The following LYG2 variants were observed in gnomAD, a reference collection of about 807,000 sequenced individuals.
LYG2 encodes the protein lysozyme g-like protein 2.
LYG2 carries 25 observed loss-of-function variants against 22.4 expected under a neutral mutation model. The ratio of observed to expected loss-of-function variants is 1.12; its 90% CI spans 0.81 to 1.56. LYG2 has a LOEUF of 1.56. Among genes scored for constraint, LYG2 ranks in the 40% most tolerant of loss-of-function variants. The pLI is 0.00. For synonymous variants in LYG2, 88 were observed against 97.0 expected (o/e 0.91, Z 0.55); for missense variants, 266 against 269.5 (o/e 0.99, Z 0.09).
At chr2:99,255,276 G>A (rs1191735397) in intron 1 of LYG2, 139 bp from the exon 2 acceptor site, 1 of 152,058 alleles carries the variant, frequency 6.6e-6, no homozygotes, top group East Asian at 1.9e-4. Flanking sequence ...TCTTACCTTC[G>A]TCCTGTACCA....
intron 3 of LYG2, among the ~76,000 whole-genome samples, chr2:99,249,665 G>A (rs2094022754): frequency 6.7e-6 from 1 of 148,892 alleles, no homozygotes; most frequent in Admixed American, 6.7e-5. Flanking sequence ...GGAGGCTGAG[G>A]CAGAAGAATC....
intron 3 of LYG2, among the ~76,000 whole-genome samples, chr2:99,247,820 G>A (rs113621932): frequency 1.9e-4 from 29 of 151,484 alleles, no homozygotes; most frequent in African/African-American, 6.3e-4. Flanking sequence ...GAAAATTTTC[G>A]CAACCTACTC....
rs750658542 is a variant in LYG2 at position 99,242,429 on chromosome 2, T to C, written c.574A>G (p.Ile192Val). Residue 192 changes from isoleucine (I) to valine (V), a missense_variant, in exon 7 of 7, where the codon ATA (isoleucine) becomes GTA (valine). Coordinates refer to ENST00000333017, the MANE Select transcript of LYG2 (RefSeq NM_175735.4). ...ATATCATTGACGAAGTCATTGTCTA[T>C]GTCCGATGGGGTGGCAATCGCTTCA... ...GIEAIATPSDIDNDFVNDIIA... is the reference protein window; with the variant it reads ...GIEAIATPSDVDNDFVNDIIA... The C allele has an allele frequency of 1.4e-5, 23 of 1,613,644 alleles. No homozygotes were observed. The highest frequency in any genetic ancestry group is 1.9e-5 in the Non-Finnish European group (22 of 1,179,810).
intron 3 of LYG2, among the ~76,000 whole-genome samples, chr2:99,253,544 C>A (rs2094030936): frequency 6.6e-6 from 1 of 152,132 alleles, no homozygotes; most frequent in African/African-American, 2.4e-5. Flanking sequence ...TTGCTTAGGT[C>A]AGAGTTTTCA....
At chr2:99,261,423 G>T in the LYG2 span, among the ~76,000 whole-genome samples, 1 of 152,184 alleles carries the variant, frequency 6.6e-6, no homozygotes, top group Non-Finnish European at 1.5e-5. Context: ...AGCCTGCTTT[G>T]CTCAGGCCCT....
chr2:99,248,124 A>T (rs2094019518), intron 3 of LYG2, among the ~76,000 whole-genome samples: 2 of 151,840 alleles, frequency 1.3e-5, no homozygotes, highest in South Asian at 2.1e-4. Context: ...ACACTTTTAC[A>T]CTGTTGGTGG....
upstream of LYG2, among the ~76,000 whole-genome samples, chr2:99,256,576 T>A (rs900101827): frequency 6.6e-6 from 1 of 152,156 alleles, no homozygotes; most frequent in Non-Finnish European, 1.5e-5. Flanking sequence ...AAAGGGAGAT[T>A]AAGAAGTTAC....
At chr2:99,251,483 A>G (rs2094026519) in intron 3 of LYG2, among the ~76,000 whole-genome samples, 1 of 152,226 alleles carries the variant, frequency 6.6e-6, no homozygotes, top group Non-Finnish European at 1.5e-5. Context: ...TGCTAATGTC[A>G]TTAGAACTAG....
At position 99,246,768 on chromosome 2, in the gene LYG2, A is replaced by G. The variant is rs1279983634; in HGVS notation, c.96T>C (p.His32=). The G allele has an allele frequency of 5.6e-6, 9 of 1,613,966 alleles. No individual in the cohort carries two copies. Among genetic ancestry groups the G allele is most frequent in the Non-Finnish European group, 5.9e-6 (7 of 1,179,986 alleles). ...PFSHSMKPHL[H]PRLYHGCYGD... The stretch of plus-strand genomic sequence containing the variant: ...CATAGCAGCCGTGGTACAGGCGTGG[A>G]TGTAGGTGAGGCTTCATTGAGTGAC... Residue 32 remains histidine (H), a synonymous_variant, in exon 4 of 7, where the codon CAT becomes CAC. Transcript: ENST00000333017.
intron 5 of LYG2, among the ~76,000 whole-genome samples, chr2:99,245,037 G>A (rs1182120021): frequency 1.3e-5 from 2 of 151,728 alleles, no homozygotes; most frequent in Admixed American, 6.6e-5. Flanking sequence ...ACTTGAACCC[G>A]GGAGTGGAGG....
intron 1 of LYG2, 62 bp from the exon 2 acceptor site, chr2:99,255,199 ACAT>A (rs2094034110): frequency 6.6e-6 from 1 of 152,242 alleles, no homozygotes; most frequent in Non-Finnish European, 1.5e-5. Flanking sequence ...AACAGAGTAG[ACAT>A]CAGCGTGGCT....
chr2:99,245,467 A>T lies in LYG2; in HGVS notation c.185-9T>A. On this transcript the variant is annotated splice_polypyrimidine_tract_variant and intron_variant, in intron 4 of 6. Coordinates refer to ENST00000333017, the MANE Select transcript of LYG2 (RefSeq NM_175735.4). ...TTCAGAACCACGGATCCCTACGTCA[A>T]TAGAAAAGAAACTGTTTTTCCGGGC... The T allele has an allele frequency of 6.4e-7, 1 of 1,567,708 alleles. No homozygotes were observed. Among genetic ancestry groups the T allele is most frequent in the Non-Finnish European group, 8.7e-7 (1 of 1,146,332 alleles).
At chr2:99,260,675 A>T in the LYG2 span, among the ~76,000 whole-genome samples, 1 of 152,236 alleles carries the variant, frequency 6.6e-6, no homozygotes, top group East Asian at 1.9e-4. Flanking sequence ...AATGCTGTAG[A>T]AAATGAGGAT....
intron 5 of LYG2, among the ~76,000 whole-genome samples, chr2:99,244,418 A>G (rs1275665204): frequency 1.3e-5 from 2 of 152,246 alleles, no homozygotes; most frequent in African/African-American, 2.4e-5. Flanking sequence ...ATTTATAGTA[A>G]TAAATAATTA....
upstream of LYG2, among the ~76,000 whole-genome samples, chr2:99,258,446 T>G (rs2094040430): frequency 6.6e-6 from 1 of 152,192 alleles, no homozygotes; most frequent in African/African-American, 2.4e-5. Flanking sequence ...AATAAACAGC[T>G]GAATTATAGG....
upstream of LYG2, among the ~76,000 whole-genome samples, chr2:99,259,026 A>G (rs2094042180): frequency 6.6e-6 from 1 of 152,232 alleles, no homozygotes; most frequent in Non-Finnish European, 1.5e-5. Context: ...CTCTCTAAAA[A>G]GGCTAAAACC....
At chr2:99,243,309 A>T in intron 6 of LYG2, 1 of 821,712 alleles carries the variant, frequency 1.2e-6, no homozygotes. Context: ...GAAGTTAGTG[A>T]GTTAATTCCA....
At chr2:99,256,243 T>C (rs2105276915), upstream of LYG2, among the ~76,000 whole-genome samples, 1 of 152,280 alleles carries the variant, frequency 6.6e-6, no homozygotes, top group South Asian at 2.1e-4. Flanking sequence ...CTGCCTGCCT[T>C]CCTGCTTGTA....
At chr2:99,244,531 T>C (rs1464631274) in intron 5 of LYG2, among the ~76,000 whole-genome samples, 1 of 152,180 alleles carries the variant, frequency 6.6e-6, no homozygotes, top group Non-Finnish European at 1.5e-5. Context: ...ATCCAGATAA[T>C]TTGGATCCCC....
Sources: allele counts gnomAD v4.1 joint callset (sites outside exome capture counted in the v4.1 genomes callset), GRCh38; gene constraint gnomAD v4.1.1; transcripts MANE v1.5; gene names NCBI Gene and HGNC (gene_info 2026-07-23, HGNC 2026-07-21).